Variants in ASCC3 observed in about 807,000 individuals in gnomAD.
The protein encoded by ASCC3 is activating signal cointegrator 1 complex subunit 3.
ASCC3 carries 158 observed loss-of-function variants against 256.3 expected under a neutral mutation model. The ratio of observed to expected loss-of-function variants is 0.62; its 90% CI spans 0.54 to 0.70. The LOEUF (loss-of-function observed/expected upper bound fraction) is 0.70. Among genes scored for constraint, ASCC3 ranks in the 30% least tolerant of loss-of-function variants. The probability of loss-of-function intolerance (pLI) is 0.00; values close to 1 mark genes in which losing one functional copy is unlikely to be tolerated. For synonymous variants in ASCC3, 948 were observed against 883.4 expected (o/e 1.07, Z -1.30); for missense variants, 2,259 against 2,626.0 (o/e 0.86, Z 3.05).
At position 100,712,754 on chromosome 6, in the gene ASCC3, T is replaced by C. The variant is rs1778911800; in HGVS notation, c.2151+2708A>G. The stretch of plus-strand genomic sequence containing the variant: ...CATATGATCTAGCAATTATACTCTT[T>C]TTTTTTTTTTTTTTTTTTTTTGAGA... On this transcript the variant is annotated intron_variant, in intron 13 of 41. Transcript: ENST00000369162. Among the ~76,000 whole-genome samples the C allele has an allele frequency of 1.2e-3, 7 of 6,020 alleles. No homozygotes were observed. The South Asian group carries it at 0.11, about 97-fold the overall frequency. The allele number at this position is 6,020 out of a possible 152,430, so 3.9% of individuals were successfully genotyped here. A position where few individuals can be genotyped will look rare whatever the true frequency, so the allele number is the denominator to read the frequency against.
chr6:100,842,618 A>G (rs1772199302), intron 4 of ASCC3, among the ~76,000 whole-genome samples: 2 of 152,100 alleles, frequency 1.3e-5, no homozygotes, highest in South Asian at 4.1e-4. Context: ...GAAAATAGTT[A>G]TTTTTCATAA....
intron 37 of ASCC3, among the ~76,000 whole-genome samples, chr6:100,528,592 T>C (rs139528303): frequency 2.8e-4 from 43 of 152,264 alleles, no homozygotes; most frequent in Non-Finnish European, 4.9e-4. Flanking sequence ...TCCTATGGAG[T>C]AGTCATTCTT....
intron 18 of ASCC3, among the ~76,000 whole-genome samples, chr6:100,652,032 G>C (rs1192638469): frequency 1.2e-4 from 19 of 152,008 alleles, no homozygotes; most frequent in African/African-American, 4.3e-4. Flanking sequence ...ATTCAGAGAT[G>C]TATATCTAGA....
intron 13 of ASCC3, among the ~76,000 whole-genome samples, chr6:100,688,623 C>T (rs1266595791): frequency 3.3e-5 from 5 of 152,202 alleles, no homozygotes; most frequent in Non-Finnish European, 7.3e-5. Flanking sequence ...ATGCGTCTCT[C>T]TTAAGTGTTT....
chr6:100,570,215 T>A (rs978071453), intron 36 of ASCC3, among the ~76,000 whole-genome samples: 5 of 152,312 alleles, frequency 3.3e-5, no homozygotes, highest in African/African-American at 1.2e-4. Flanking sequence ...TATATAATCA[T>A]ATCACCACCA....
chr6:100,510,114 A>C lies in ASCC3; in HGVS notation c.6286-7T>G. ...CACAGCTCTCTGGCTTTCCCTGTAA[A>C]CCAGAAAAAAAGATACAACATTAAA... is the stretch of plus-strand genomic sequence containing the variant. On this transcript the variant is annotated splice_region_variant and splice_polypyrimidine_tract_variant and intron_variant, in intron 40 of 41. Coordinates refer to ENST00000369162, the MANE Select transcript of ASCC3 (RefSeq NM_006828.4). 6.2e-7 allele frequency: 1 copy of C among 1,614,010 alleles called. No homozygotes were observed. Among genetic ancestry groups the C allele is most frequent in the Non-Finnish European group, 8.5e-7 (1 of 1,179,936 alleles).
chr6:100,796,413 T>C (rs1026113624), intron 8 of ASCC3, among the ~76,000 whole-genome samples: 20 of 152,196 alleles, frequency 1.3e-4, no homozygotes, highest in African/African-American at 4.3e-4. Flanking sequence ...CAGCTTTATC[T>C]GTGTTATGGA....
rs567845724 is a variant in ASCC3, at chr6:100,601,193, A to C, written c.5303+617T>G. 5.3e-5 allele frequency among the ~76,000 whole-genome samples: 8 copies of C among 152,196 alleles called. No homozygotes were observed. The East Asian group carries it at 1.5e-3, about 29-fold the overall frequency. On this transcript the variant is annotated intron_variant, in intron 34 of 41. Coordinates refer to ENST00000369162, the MANE Select transcript of ASCC3 (RefSeq NM_006828.4). ...TGAAGCTGTCACTCTCATAGGCTTG[A>C]ATATCGTTCTACTAGAGGATTTATA...
At chr6:100,756,782 G>T (rs184622107) in intron 10 of ASCC3, among the ~76,000 whole-genome samples, 191 of 151,896 alleles carry the variant, frequency 1.3e-3, no homozygotes, top group African/African-American at 4.5e-3. Context: ...TACTTAGCAG[G>T]GTTGTGGGAT....
At position 100,798,778 on chromosome 6, in the gene ASCC3, G is replaced by A; in HGVS notation, c.1330C>T (p.Pro444Ser). The A allele has an allele frequency of 6.2e-7, 1 of 1,612,950 alleles. No homozygotes were observed. The highest frequency in any genetic ancestry group is 1.1e-5 in the South Asian group (1 of 91,058). ...NNKLYEEVRI[P>S]YSEPMPLSFE... ...CTGAGTGGCATTGGTTCGCTGTAGG[G>A]AATCCTTACTTCTTCATAAAGCTTG... Residue 444 changes from proline (P) to serine (S), a missense_variant, in exon 8 of 42, where the codon CCC (proline) becomes TCC (serine). By Grantham distance (74) the Pro-to-Ser change is moderately conservative. Coordinates refer to ENST00000369162, the MANE Select transcript of ASCC3 (RefSeq NM_006828.4).
rs567485469 is a variant in ASCC3, at chr6:100,706,434, C to A, written c.2151+9028G>T. Among the ~76,000 whole-genome samples, 181 of 150,930 alleles carry A rather than the reference C, an allele frequency of 1.2e-3. 1 individual carries two copies. The highest frequency in any genetic ancestry group is 4.1e-3 in the African/African-American group (170 of 41,246). ...CAGAACACTACAGCTTAGTTAAGGT[C>A]AAAGAAAAAAATAATCCTTTACGAG... On this transcript the variant is annotated intron_variant, in intron 13 of 41. Transcript: ENST00000369162.
intron 33 of ASCC3, among the ~76,000 whole-genome samples, chr6:100,603,032 T>C (rs114291012): frequency 0.016 from 2,484 of 152,144 alleles, 66 homozygotes; most frequent in African/African-American, 0.056. Flanking sequence ...ACAATCACTA[T>C]GAACCAGCAA....
intron 25 of ASCC3, among the ~76,000 whole-genome samples, chr6:100,637,621 T>C (rs117818126): frequency 2.0e-5 from 3 of 152,268 alleles, no homozygotes; most frequent in East Asian, 1.9e-4. Flanking sequence ...GAATTCACCA[T>C]TCTAGATGCC....
intron 17 of ASCC3, 133 bp from the exon 18 acceptor site, chr6:100,653,022 C>T (rs1775745928): frequency 1.3e-6 from 1 of 787,428 alleles, no homozygotes; most frequent in Non-Finnish European, 2.0e-6. Flanking sequence ...TTTTAAAGTA[C>T]ATTTTTCTAC....
At chr6:100,819,172 G>C (rs1770917251) in intron 4 of ASCC3, among the ~76,000 whole-genome samples, 1 of 152,002 alleles carries the variant, frequency 6.6e-6, no homozygotes, top group Non-Finnish European at 1.5e-5. Context: ...TCGGGGGCTG[G>C]GGGGCTGGGG....
intron 36 of ASCC3, among the ~76,000 whole-genome samples, chr6:100,577,232 C>T (rs1181393196): frequency 2.0e-5 from 3 of 151,858 alleles, no homozygotes; most frequent in African/African-American, 4.8e-5. Flanking sequence ...AAATTTATCC[C>T]ATCTCTTTTT....
chr6:100,637,469 C>T (rs1011254704), intron 25 of ASCC3, among the ~76,000 whole-genome samples: 2 of 152,142 alleles, frequency 1.3e-5, no homozygotes, highest in African/African-American at 4.8e-5. Context: ...TGCCTGCTAA[C>T]ATAACATCTA....
intron 4 of ASCC3, among the ~76,000 whole-genome samples, chr6:100,807,181 A>G (rs1481199427): frequency 6.6e-6 from 1 of 152,006 alleles, no homozygotes; most frequent in Non-Finnish European, 1.5e-5. Context: ...TATAAAAGAC[A>G]TTAATTGAAG....
chr6:100,516,390 A>G (rs1482934188), intron 38 of ASCC3, 63 bp from the exon 39 acceptor site: 1 of 1,580,894 alleles, frequency 6.3e-7, no homozygotes, highest in Non-Finnish European at 8.7e-7. Flanking sequence ...TTTTCTGACA[A>G]TGGTGGTTTA....
Sources: allele counts gnomAD v4.1 joint callset (sites outside exome capture counted in the v4.1 genomes callset), GRCh38; gene constraint gnomAD v4.1.1; transcripts MANE v1.5; gene names NCBI Gene and HGNC (gene_info 2026-07-23, HGNC 2026-07-21).